Variants in UNC80 observed in about 807,000 individuals in gnomAD.
UNC80 encodes the protein unc-80 subunit of NALCN channel complex, also known as protein unc-80 homolog.
In UNC80, 164 loss-of-function variants were observed where a neutral mutation model predicts 384.6. That is an observed-to-expected ratio of 0.43 (90% CI 0.38 to 0.49). The LOEUF is 0.49. Ranked by LOEUF, UNC80 falls within the 20% of genes least tolerant of loss-of-function variation. The pLI, the probability that UNC80 is intolerant of heterozygous loss-of-function variation, is 0.00. For missense variants in UNC80, 3,330 were observed against 4,143.0 expected (o/e 0.80, Z 5.39); for synonymous variants, 1,486 against 1,527.8 (o/e 0.97, Z 0.64).
intron 7 of UNC80, among the ~76,000 whole-genome samples, chr2:209,801,735 G>C (rs1335456515): frequency 1.1e-5 from 1 of 89,638 alleles, no homozygotes; most frequent in Admixed American, 1.3e-4. Flanking sequence ...CTTTTCATTT[G>C]ATAATTTTTA....
At chr2:209,840,838 G>A (rs749523764) in intron 20 of UNC80, among the ~76,000 whole-genome samples, 190 bp downstream of exon 20, 6 of 152,112 alleles carry the variant, frequency 3.9e-5, no homozygotes, top group Non-Finnish European at 7.4e-5. Flanking sequence ...ATCATAGGAA[G>A]GGAAAAAGAA....
At chr2:209,936,368 C>T (rs967056955) in intron 40 of UNC80, among the ~76,000 whole-genome samples, 2 of 152,302 alleles carry the variant, frequency 1.3e-5, no homozygotes, top group Admixed American at 1.3e-4. Context: ...TACAAGTTAT[C>T]TATGCCTAGT....
intron 31 of UNC80, among the ~76,000 whole-genome samples, chr2:209,917,431 G>A (rs1486352673): frequency 2.0e-5 from 3 of 152,176 alleles, no homozygotes; most frequent in African/African-American, 4.8e-5. Context: ...TATTGTCCTC[G>A]GGTTACTAAG....
chr2:209,909,486 C>T (rs1328874890), intron 29 of UNC80, among the ~76,000 whole-genome samples: 1 of 152,098 alleles, frequency 6.6e-6, no homozygotes, highest in Non-Finnish European at 1.5e-5. Context: ...ACATTTTATC[C>T]CCTGGCCAGC....
chr2:209,920,069 T>A (rs2089911882), intron 33 of UNC80, among the ~76,000 whole-genome samples: 1 of 152,162 alleles, frequency 6.6e-6, no homozygotes, highest in South Asian at 2.1e-4. Context: ...CTCAGCAGGC[T>A]GAGACAGGAG....
At chr2:209,827,982 C>A (rs2080667050) in intron 14 of UNC80, among the ~76,000 whole-genome samples, 1 of 152,136 alleles carries the variant, frequency 6.6e-6, no homozygotes, top group Non-Finnish European at 1.5e-5. Flanking sequence ...TCAGGATATT[C>A]ATTCAGAATT....
Position 209,819,313 on chromosome 2 carries a change from G to A in UNC80, c.1962+52G>A, listed in dbSNP as rs1464946718. 2.0e-6 allele frequency: 3 copies of A among 1,486,132 alleles called. No individual in the cohort carries two copies. The African/African-American group carries it at 4.2e-5, about 21-fold the overall frequency. 92.1% of individuals were successfully genotyped at this position (1,486,132 alleles called of 1,614,324 possible). On this transcript the variant is annotated intron_variant, in intron 12 of 64. Transcript: ENST00000673920. ...AAGTTAGACAGATATTAATTATTTG[G>A]TGCATTTTTGCAATGTTATATAAAA...
intron 4 of UNC80, among the ~76,000 whole-genome samples, chr2:209,782,621 T>C (rs12992181): frequency 0.52 from 78,333 of 151,902 alleles, 21,511 homozygotes; most frequent in Admixed American, 0.62. Flanking sequence ...AATAGGTATT[T>C]AATTAATATT....
intron 7 of UNC80, among the ~76,000 whole-genome samples, chr2:209,806,682 A>G (rs1414054330): frequency 6.6e-6 from 1 of 152,254 alleles, no homozygotes; most frequent in Admixed American, 6.5e-5. Flanking sequence ...TCCTAGTAAC[A>G]AAAGCTGTCT....
At chr2:209,881,166 T>G in intron 25 of UNC80, 72 bp downstream of exon 25, 1 of 1,478,760 alleles carries the variant, frequency 6.8e-7, no homozygotes, top group Non-Finnish European at 9.0e-7. Flanking sequence ...TTTCCAAGAT[T>G]CACAGTTTTC....
At chr2:209,831,020 C>T (rs892089413) in intron 15 of UNC80, among the ~76,000 whole-genome samples, 7 of 152,112 alleles carry the variant, frequency 4.6e-5, no homozygotes, top group Non-Finnish European at 8.8e-5. Flanking sequence ...GAACAATTTC[C>T]TTTGAGAAAG....
At position 209,777,362 on chromosome 2, in the gene UNC80, A is replaced by G; in HGVS notation, c.403A>G (p.Thr135Ala). ...QDCNNERFGG[T>A]DRGSSWGGSS... ...CTGCAACAATGAGCGGTTTGGGGGT[A>G]CAGACCGAGGCTCCAGCTGGGGTGG... Residue 135 changes from threonine to alanine, a missense_variant, in exon 4 of 65, where the codon ACA becomes GCA. Coordinates refer to ENST00000673920, the MANE Select transcript of UNC80 (RefSeq NM_001371986.1). The G allele has an allele frequency of 6.2e-7, 1 of 1,614,224 alleles. No homozygotes were observed. The highest frequency in any genetic ancestry group is 8.5e-7 in the Non-Finnish European group (1 of 1,180,044).
chr2:209,836,346 ATT>A lies in UNC80; in HGVS notation c.3041+1345_3041+1346del, dbSNP rs138450605. On this transcript the variant is annotated intron_variant, in intron 18 of 64. Coordinates refer to ENST00000673920, the MANE Select transcript of UNC80 (RefSeq NM_001371986.1). ...AGAAAGTCTGCCCAAAAAAGAAGAG[ATT>A]TTTTTTTTCTTTTCAAATAACACCA... Among the ~76,000 whole-genome samples the A allele has an allele frequency of 4.4e-3, 665 of 151,338 alleles. 2 individuals carry two copies. Among genetic ancestry groups the A allele is most frequent in the Non-Finnish European group, 7.1e-3 (480 of 67,784 alleles).
rs1182973289 is a variant in UNC80, at chr2:209,941,340, C to T, written c.6766C>T (p.Leu2256Phe). 2 of 1,551,196 alleles carry T rather than the reference C, an allele frequency of 1.3e-6. No individual in the cohort carries two copies. The highest frequency in any genetic ancestry group is 2.4e-5 in the East Asian group (1 of 40,884). The stretch of plus-strand genomic sequence containing the variant: ...ATGGGGAGACGAAATCATGCTTTTC[C>T]TCAACGTTTTTAACGGGGCTCTGAT... ...FPWGDEIMLFLNVFNGALILH... is the reference protein window; with the variant it reads ...FPWGDEIMLFFNVFNGALILH... Residue 2256 changes from leucine to phenylalanine, a missense_variant, in exon 44 of 65, where the codon CTC (leucine) becomes TTC (phenylalanine). By Grantham distance (22) the Leu-to-Phe change is conservative. Transcript: ENST00000673920.
intron 28 of UNC80, among the ~76,000 whole-genome samples, chr2:209,898,298 G>A (rs1184491179): frequency 3.3e-5 from 5 of 151,214 alleles, no homozygotes; most frequent in Admixed American, 6.6e-5. Context: ...TTCTTGACAC[G>A]GATACTCAGA....
At chr2:209,908,117 G>C (rs532218464) in intron 29 of UNC80, among the ~76,000 whole-genome samples, 77 of 152,252 alleles carry the variant, frequency 5.1e-4, no homozygotes, top group African/African-American at 1.8e-3. Context: ...CTTTTCATTT[G>C]CCTGTTGTGA....
At chr2:209,843,170 T>A (rs2081896507) in intron 21 of UNC80, among the ~76,000 whole-genome samples, 1 of 152,222 alleles carries the variant, frequency 6.6e-6, no homozygotes, top group Admixed American at 6.5e-5. Flanking sequence ...TTTAGTTAGA[T>A]GATATGCTTT....
At chr2:209,916,548 G>A (rs1464527694) in intron 31 of UNC80, among the ~76,000 whole-genome samples, 2 of 152,104 alleles carry the variant, frequency 1.3e-5, no homozygotes, top group African/African-American at 2.4e-5. Flanking sequence ...TTAAAGAAAA[G>A]CAAGGAAAGG....
chr2:209,929,692 G>A (rs995827118), intron 36 of UNC80, among the ~76,000 whole-genome samples, 179 bp from the exon 37 acceptor site: 1 of 152,168 alleles, frequency 6.6e-6, no homozygotes, highest in African/African-American at 2.4e-5. Context: ...TTCTTTACAT[G>A]TGAAAATGTT....
Sources: allele counts gnomAD v4.1 joint callset (sites outside exome capture counted in the v4.1 genomes callset), GRCh38; gene constraint gnomAD v4.1.1; transcripts MANE v1.5; gene names NCBI Gene and HGNC (gene_info 2026-07-23, HGNC 2026-07-21).